Variants in TMEM223 observed in about 807,000 individuals in gnomAD.
TMEM223 encodes transmembrane protein 223.
Under a neutral mutation model 14.1 loss-of-function variants are expected in TMEM223, and 14 were observed. The observed-to-expected ratio is 0.99, with a 90% CI of 0.66 to 1.55. The LOEUF (loss-of-function observed/expected upper bound fraction) is 1.55. Among genes scored for constraint, TMEM223 ranks in the 40% most tolerant of loss-of-function variants. The probability of loss-of-function intolerance (pLI) is 0.00; values close to 1 mark genes in which losing one functional copy is unlikely to be tolerated. For synonymous variants in TMEM223, 145 were observed against 120.5 expected (o/e 1.20, Z -1.33); for missense variants, 346 against 269.9 (o/e 1.28, Z -1.97).
chr11:62,783,262 C>T (rs1322620356), downstream of TMEM223, among the ~76,000 whole-genome samples: 1 of 152,044 alleles, frequency 6.6e-6, no homozygotes, highest in Admixed American at 6.6e-5. Flanking sequence ...GTGGGCGGAT[C>T]ACAAGGTCAG....
downstream of TMEM223, among the ~76,000 whole-genome samples, chr11:62,788,429 G>A (rs375430916): frequency 2.6e-5 from 4 of 151,798 alleles, no homozygotes; most frequent in Admixed American, 6.6e-5. Flanking sequence ...CACTGGCCGG[G>A]CCTGGTGGCT....
intron 1 of TMEM223, among the ~76,000 whole-genome samples, chr11:62,780,695 C>T (rs961254546): frequency 6.0e-5 from 9 of 151,174 alleles, no homozygotes; most frequent in African/African-American, 1.2e-4. Flanking sequence ...TTTGGGAGGC[C>T]GAGGTGGGTG....
At chr11:62,781,822 TC>T in intron 1 of TMEM223, 3 of 1,273,426 alleles carry the variant, frequency 2.4e-6, no homozygotes, top group South Asian at 2.4e-5. Flanking sequence ...TACACTGTCT[TC>T]CAGAAGAATA....
intron 1 of TMEM223, among the ~76,000 whole-genome samples, chr11:62,779,217 C>T (rs1257349213): frequency 4.6e-5 from 7 of 151,576 alleles, no homozygotes; most frequent in Admixed American, 1.3e-4. Flanking sequence ...GTTTTTGAAA[C>T]GGAGTCTTGC....
chr11:62,785,496 T>A (rs920430145), downstream of TMEM223, among the ~76,000 whole-genome samples: 10 of 140,696 alleles, frequency 7.1e-5, no homozygotes, highest in African/African-American at 2.7e-4. Context: ...CCGGCTGGTA[T>A]TTTCCTTATA....
downstream of TMEM223, chr11:62,771,367 AT>A (rs998149318): frequency 6.5e-6 from 1 of 153,040 alleles, no homozygotes; most frequent in African/African-American, 2.4e-5. Context: ...GACTGGCTGT[AT>A]TGGGGAGGGC....
At chr11:62,785,603 C>T (rs140979968), downstream of TMEM223, among the ~76,000 whole-genome samples, 8 of 149,220 alleles carry the variant, frequency 5.4e-5, no homozygotes, top group East Asian at 2.0e-4. Flanking sequence ...GGTGTGATCT[C>T]GGCTCACTGC....
chr11:62,787,655 G>A, downstream of TMEM223: 2 of 1,228,660 alleles, frequency 1.6e-6, no homozygotes, highest in Non-Finnish European at 1.1e-6. Flanking sequence ...CACGGCTGGC[G>A]CCGGCCTGTA....
At chr11:62,788,964 A>C, downstream of TMEM223, 2 of 1,533,276 alleles carry the variant, frequency 1.3e-6, no homozygotes, top group Non-Finnish European at 1.8e-6. Flanking sequence ...CACCCTACCA[A>C]GAGACTGTAT....
At chr11:62,778,797 G>C in intron 1 of TMEM223, 1 of 1,280,430 alleles carries the variant, frequency 7.8e-7, no homozygotes, top group South Asian at 1.2e-5. Flanking sequence ...GTGGTTGAGG[G>C]GGAGGAGGCT....
chr11:62,782,038 T>A, intron 1 of TMEM223: 1 of 1,595,302 alleles, frequency 6.3e-7, no homozygotes, highest in East Asian at 2.2e-5. Flanking sequence ...GTAGGGCTCA[T>A]GGCAAGTGCT....
intron 1 of TMEM223, among the ~76,000 whole-genome samples, chr11:62,779,344 G>A (rs1057302450): frequency 6.6e-6 from 1 of 151,926 alleles, no homozygotes; most frequent in African/African-American, 2.4e-5. Flanking sequence ...ACAGGTGCCC[G>A]CCAACATACC....
rs747916725 is a variant in TMEM223 at position 62,791,978 on chromosome 11, C to T, written c.17G>A (p.Arg6Lys). The stretch of plus-strand genomic sequence containing the variant: ...GGCTAGCAGCCCCGTGGGCCATCGC[C>T]TCCAAGGCGCCGCCATGGCCAGCCG... MAAPW[R>K]RWPTGLLAVL... is the part of the protein sequence containing the mutation. Residue 6 changes from arginine to lysine, a missense_variant, in exon 1 of 2, where the codon AGG becomes AAG. By Grantham distance (26) the Arg-to-Lys change is conservative. Transcript: ENST00000307366. 11 of 1,548,064 alleles carry T rather than the reference C, an allele frequency of 7.1e-6. 1 individual carries two copies. The African/African-American group carries it at 1.2e-4, about 17-fold the overall frequency.
intron 1 of TMEM223, 59 bp downstream of exon 1, chr11:62,791,620 G>A: frequency 2.0e-6 from 3 of 1,465,758 alleles, no homozygotes; most frequent in South Asian, 1.4e-5. Context: ...TGCCTGTATA[G>A]GGAAGGTCGT....
intron 1 of TMEM223, among the ~76,000 whole-genome samples, chr11:62,780,354 T>C (rs2084219623): frequency 6.8e-6 from 1 of 147,354 alleles, no homozygotes; most frequent in African/African-American, 2.5e-5. Context: ...CTACTAAAAA[T>C]ACAAAAATTA....
At chr11:62,791,556 T>C in intron 1 of TMEM223, 123 bp downstream of exon 1, 2 of 1,250,608 alleles carry the variant, frequency 1.6e-6, no homozygotes, top group Non-Finnish European at 2.1e-6. Flanking sequence ...GTTTCACATT[T>C]CTGTGGGGTA....
At chr11:62,775,682 A>G (rs756239259) in intron 1 of TMEM223, 22 of 1,420,792 alleles carry the variant, frequency 1.5e-5, no homozygotes, top group Non-Finnish European at 2.1e-5. Context: ...GAGCACGAGC[A>G]GCAAGGCTGG....
chr11:62,780,507 A>G (rs1181152528), intron 1 of TMEM223, among the ~76,000 whole-genome samples: 2 of 151,144 alleles, frequency 1.3e-5, no homozygotes, highest in African/African-American at 4.9e-5. Context: ...ACAAAACTTC[A>G]TCTCAAAAAA....
At position 62,791,962 on chromosome 11, in the gene TMEM223, C is replaced by T. The variant is rs765695453; in HGVS notation, c.33G>A (p.Gly11=). The T allele has an allele frequency of 6.4e-7, 1 of 1,569,438 alleles. No individual in the cohort carries two copies. The highest frequency in any genetic ancestry group is 1.2e-5 in the South Asian group (1 of 86,712). ...GCAGGGGCCGCAGCACGGCTAGCAG[C>T]CCCGTGGGCCATCGCCTCCAAGGCG... MAAPWRRWPT[G]LLAVLRPLLT... is the part of the protein sequence containing the mutation. Residue 11 remains glycine, a synonymous_variant, in exon 1 of 2, where the codon GGG becomes GGA. Transcript: ENST00000307366.
Sources: gnomAD v4.1 joint callset for allele counts (sites outside exome capture counted in the v4.1 genomes callset) on GRCh38, gnomAD v4.1.1 for gene constraint, MANE v1.5 for transcripts, NCBI Gene and HGNC (gene_info 2026-07-23, HGNC 2026-07-21) for gene names.